LYSMD1: variants seen among roughly 807,000 people sequenced by gnomAD.
LYSMD1 encodes the protein LysM domain containing 1.
LYSMD1 carries 9 observed loss-of-function variants against 19.3 expected under a neutral mutation model. That is an observed-to-expected ratio of 0.47 (90% CI 0.28 to 0.81). The LOEUF (loss-of-function observed/expected upper bound fraction) is 0.81, where lower values mean the gene tolerates loss of function less well. Ranked by LOEUF, LYSMD1 falls within the 40% of genes least tolerant of loss-of-function variation. The pLI is 0.11. For synonymous variants in LYSMD1, 111 were observed against 111.7 expected (o/e 0.99, Z 0.04); for missense variants, 262 against 279.8 (o/e 0.94, Z 0.45).
chr1:151,153,369 T>G, the LYSMD1 span, among the ~76,000 whole-genome samples: 5 of 151,808 alleles, frequency 3.3e-5, no homozygotes, highest in Non-Finnish European at 7.4e-5. Context: ...TAAAAAAAAT[T>G]TGTGGCCAGG....
downstream of LYSMD1, among the ~76,000 whole-genome samples, chr1:151,157,529 A>G (rs1048147366): frequency 2.0e-5 from 3 of 152,196 alleles, no homozygotes; most frequent in Non-Finnish European, 4.4e-5. Flanking sequence ...TCAGACCTTC[A>G]GGACTGCCTG....
At chr1:151,158,120 C>T (rs1018044692), downstream of LYSMD1, among the ~76,000 whole-genome samples, 10 of 151,780 alleles carry the variant, frequency 6.6e-5, no homozygotes, top group African/African-American at 2.2e-4. Flanking sequence ...GTCAGGAGTT[C>T]GAGACCAGTC....
downstream of LYSMD1, chr1:151,159,444 G>A (rs945015665): frequency 6.6e-6 from 4 of 604,314 alleles, no homozygotes; most frequent in Admixed American, 1.2e-4. Flanking sequence ...AATGCTGAGG[G>A]GTGAGGCCTC....
In LYSMD1 at chr1:151,165,223, C is replaced by T. The variant is rs587618301; in HGVS notation, c.36G>A (p.Gly12=). 1.8e-5 allele frequency: 29 copies of T among 1,613,854 alleles called. No homozygotes were observed. The highest frequency in any genetic ancestry group is 2.4e-5 in the Non-Finnish European group (28 of 1,179,898). The change falls in exon 1 of 3, where the codon GGG becomes GGA. Residue 12 remains glycine, a synonymous_variant. Coordinates refer to ENST00000368908, the MANE Select transcript of LYSMD1 (RefSeq NM_212551.5). ...ASPSRQPPPG[G]SGLLQGSRAR... Reference sequence around the variant, plus strand: ...CCCGGCTCCCTTGAAGCAGTCCTGACCCCCCTGGCGGGGGCTGTCTAGACG... The same window carrying T: ...CCCGGCTCCCTTGAAGCAGTCCTGATCCCCCTGGCGGGGGCTGTCTAGACG...
chr1:151,161,127 G>A (rs1231684055), intron 2 of LYSMD1, 107 bp from the exon 3 acceptor site: 1 of 1,228,578 alleles, frequency 8.1e-7, no homozygotes, highest in African/African-American at 1.5e-5. Flanking sequence ...TAAGCTGGTT[G>A]CTTCAAGACA....
chr1:151,165,303 G>A lies in LYSMD1; in HGVS notation c.-45C>T. Reference sequence around the variant, plus strand: ...CTAAGGTTGCAACTAGGGGAGGTACGACCGAGACTGCGACTGACAGGCCTG... The same window carrying A: ...CTAAGGTTGCAACTAGGGGAGGTACAACCGAGACTGCGACTGACAGGCCTG... On this transcript the variant is annotated 5_prime_UTR_variant, in exon 1 of 3. Transcript: ENST00000368908. 1.1e-5 allele frequency: 18 copies of A among 1,586,008 alleles called. No individual in the cohort carries two copies. Among genetic ancestry groups the A allele is most frequent in the Non-Finnish European group, 1.5e-5 (18 of 1,164,968 alleles).
At position 151,165,840 on chromosome 1, in the gene LYSMD1, G is replaced by T; in HGVS notation, c.-582C>A. ...CATCTAGGTTGTTGTCCCTCCAAACGCCTCAGATCCGCCAAGATGCAAGGG... is the reference window on the plus strand; with the variant it reads ...CATCTAGGTTGTTGTCCCTCCAAACTCCTCAGATCCGCCAAGATGCAAGGG... On this transcript the variant is annotated 5_prime_UTR_variant, in exon 1 of 3. Coordinates refer to ENST00000368908, the MANE Select transcript of LYSMD1 (RefSeq NM_212551.5). The T allele has an allele frequency of 7.2e-7, 1 of 1,391,592 alleles. No homozygotes were observed. The highest frequency in any genetic ancestry group is 1.2e-5 in the South Asian group (1 of 80,642). 86.2% of individuals were successfully genotyped at this position (1,391,592 alleles called of 1,614,324 possible).
At chr1:151,162,407 T>C (rs1683489351) in intron 1 of LYSMD1, among the ~76,000 whole-genome samples, 1 of 152,034 alleles carries the variant, frequency 6.6e-6, no homozygotes, top group African/African-American at 2.4e-5. Context: ...GCCTGAGTAA[T>C]ATAGTGAGAC....
intron 2 of LYSMD1, 80 bp from the exon 3 acceptor site, chr1:151,161,100 A>C: frequency 3.3e-6 from 5 of 1,507,464 alleles, no homozygotes; most frequent in East Asian, 2.3e-5. Flanking sequence ...GTACATGGAA[A>C]GCTATCTTCT....
At chr1:151,163,518 TTTTCTTTC>T (rs1050854863) in intron 1 of LYSMD1, among the ~76,000 whole-genome samples, 1 of 152,008 alleles carries the variant, frequency 6.6e-6, no homozygotes, top group East Asian at 1.9e-4. Flanking sequence ...TGTATTCGTA[TTTTCTTTC>T]TTTCTTTCTT....
chr1:151,149,424 C>G, the LYSMD1 span, among the ~76,000 whole-genome samples: 2 of 151,772 alleles, frequency 1.3e-5, no homozygotes, highest in South Asian at 4.2e-4. Flanking sequence ...TAAAAAACCT[C>G]TCTTCCTACT....
intron 1 of LYSMD1, 60 bp from the exon 2 acceptor site, chr1:151,162,160 G>A (rs2101689727): frequency 6.7e-7 from 1 of 1,500,182 alleles, no homozygotes; most frequent in East Asian, 2.3e-5. Context: ...TACATCTTGA[G>A]CTTTTTAAAG....
Position 151,160,778 on chromosome 1 carries a change from G to T in LYSMD1, c.*104C>A. The stretch of plus-strand genomic sequence containing the variant: ...GGCTGGGGAGGATGGCTGGAGTGGA[G>T]GGAGGCAGGCTCATAAGCCATGTTC... On this transcript the variant is annotated 3_prime_UTR_variant, in exon 3 of 3. Coordinates refer to ENST00000368908, the MANE Select transcript of LYSMD1 (RefSeq NM_212551.5). The T allele has an allele frequency of 7.2e-7, 1 of 1,386,646 alleles. No individual in the cohort carries two copies. Among genetic ancestry groups the T allele is most frequent in the Non-Finnish European group, 9.9e-7 (1 of 1,012,904 alleles). 85.9% of individuals were successfully genotyped at this position (1,386,646 alleles called of 1,614,324 possible). A position where few individuals can be genotyped will look rare whatever the true frequency, so the allele number is the denominator to read the frequency against.
At chr1:151,156,078 C>A (rs1005317606), downstream of LYSMD1, among the ~76,000 whole-genome samples, 1 of 89,788 alleles carries the variant, frequency 1.1e-5, no homozygotes, top group East Asian at 4.0e-4. Context: ...CCAGCCTGGG[C>A]AACAAGAGCA....
chr1:151,159,036 T>C (rs1268258133), downstream of LYSMD1: 2 of 1,614,228 alleles, frequency 1.2e-6, no homozygotes, highest in Admixed American at 3.3e-5. Flanking sequence ...CCTTCGAGGC[T>C]GCTGTTCTGG....
chr1:151,153,450 C>A, the LYSMD1 span, among the ~76,000 whole-genome samples: 12 of 151,840 alleles, frequency 7.9e-5, no homozygotes, highest in Admixed American at 3.3e-4. Flanking sequence ...GTCAGGAGTT[C>A]GAGACCAGCC....
In LYSMD1 at chr1:151,163,325, C is replaced by G. The variant is rs587612419; in HGVS notation, c.181-1225G>C. Among the ~76,000 whole-genome samples the G allele has an allele frequency of 2.6e-5, 4 of 151,996 alleles. No individual in the cohort carries two copies. In the South Asian group the frequency reaches 8.3e-4, roughly 32 times the overall value. ...CTTTAAATATCTGCTTTGCCTAAAC[C>G]CTATAAGTCCTTTAAGGGCAAGGAT... On this transcript the variant is annotated intron_variant, in intron 1 of 2. Coordinates refer to ENST00000368908, the MANE Select transcript of LYSMD1 (RefSeq NM_212551.5).
At chr1:151,162,709 A>G (rs976909157) in intron 1 of LYSMD1, among the ~76,000 whole-genome samples, 1 of 152,194 alleles carries the variant, frequency 6.6e-6, no homozygotes, top group Non-Finnish European at 1.5e-5. Flanking sequence ...AGGTAGAAAC[A>G]TCAATGTCAT....
chr1:151,164,851 AAGCCCTC>A (rs1683607627), intron 1 of LYSMD1, among the ~76,000 whole-genome samples: 1 of 152,226 alleles, frequency 6.6e-6, no homozygotes, highest in African/African-American at 2.4e-5. Flanking sequence ...AACGTATGTG[AAGCCCTC>A]AGCACAGTGT....
Sources: allele counts gnomAD v4.1 joint callset (sites outside exome capture counted in the v4.1 genomes callset), GRCh38; gene constraint gnomAD v4.1.1; transcripts MANE v1.5; gene names NCBI Gene and HGNC (gene_info 2026-07-23, HGNC 2026-07-21).